The following HNRNPU variants were observed in gnomAD, a reference collection of about 807,000 sequenced individuals.
HNRNPU encodes heterogeneous nuclear ribonucleoprotein U, also known as HNRNPU antisense RNA 1.
A neutral mutation model predicts 94.7 loss-of-function variants in HNRNPU; 5 were observed. The ratio of observed to expected loss-of-function variants is 0.05; its 90% confidence interval spans 0.03 to 0.11. The LOEUF (loss-of-function observed/expected upper bound fraction) is 0.11, where lower values mean the gene tolerates loss of function less well. HNRNPU is among the 10% of genes least tolerant of loss of function. The pLI is 1.00. For synonymous variants in HNRNPU, 434 were observed against 381.6 expected (o/e 1.14, Z -1.60); for missense variants, 710 against 1,049.2 (o/e 0.68, Z 4.47).
chr1:244,858,762 C>T lies in HNRNPU; in HGVS notation c.1197G>A (p.Lys399=), dbSNP rs1680748043. 1 of 1,596,450 alleles carries T rather than the reference C, an allele frequency of 6.3e-7. No individual in the cohort carries two copies. Residue 399 remains lysine, a synonymous_variant, in exon 6 of 14, where the codon AAG becomes AAA. Coordinates refer to ENST00000640218, the MANE Select transcript of HNRNPU (RefSeq NM_031844.3). ...ATGTAATCACATCATTTTCATCAAA[C>T]TTTTCTCCATAATCTTCAGTCTCAC... is the stretch of plus-strand genomic sequence containing the variant. The part of the protein sequence containing the change: ...CNCETEDYGE[K]FDENDVITCF...
chr1:244,863,256 CCG>C (rs1179155023), intron 1 of HNRNPU: 1 of 200,660 alleles, frequency 5.0e-6, no homozygotes, highest in East Asian at 1.2e-4. Context: ...TGTGCCCGCA[CCG>C]CGCGCACGCA....
At position 244,855,608 on chromosome 1, in the gene HNRNPU, G is replaced by A. The variant is rs1680658254; in HGVS notation, c.2168C>T (p.Ala723Val). Residue 723 changes from alanine (A) to valine (V), a missense_variant and splice_region_variant, in exon 12 of 14, where the codon GCC (alanine) becomes GTC (valine). Ala to Val is a moderately conservative substitution (Grantham distance 64). Coordinates refer to ENST00000640218, the MANE Select transcript of HNRNPU (RefSeq NM_031844.3). Reference protein sequence around the residue: ...NMRGGNFRGGAPGNRGGYNRR... With the variant: ...NMRGGNFRGGVPGNRGGYNRR... ...ATTATATCCGCCACGATTCCCAGGG[G>A]CTAAAAGACAAGAGCTGTTTTAGTT... The A allele has an allele frequency of 2.5e-6, 4 of 1,613,762 alleles. No homozygotes were observed. In the East Asian group the frequency reaches 8.9e-5, roughly 36 times the overall value.
chr1:244,859,499 A>AG, intron 4 of HNRNPU, 125 bp from the exon 5 acceptor site: 2 of 534,222 alleles, frequency 3.7e-6, no homozygotes, highest in Non-Finnish European at 6.7e-6. Context: ...GGCACACTCT[A>AG]GCCCACCCCC....
Position 244,863,666 on chromosome 1 carries a change from C to T in HNRNPU, c.642G>A (p.Lys214=), listed in dbSNP as rs1160222577. The change falls in exon 1 of 14, where the codon AAG becomes AAA. Residue 214 remains lysine, a synonymous_variant. Transcript: ENST00000640218. ...CGCCGCCTCCGCCGCCTTCCGCCTT[C>T]TTCTTACCTCCCGCCTGCTGCTGGC... ...RQGQQQAGGK[K]KAEGGGGGGR... The T allele has an allele frequency of 1.3e-6, 2 of 1,562,678 alleles. No homozygotes were observed. Among genetic ancestry groups the T allele is most frequent in the East Asian group, 4.9e-5 (2 of 40,826 alleles).
At chr1:244,859,233 C>T (rs1298472382) in intron 5 of HNRNPU, 42 bp downstream of exon 5, 2 of 1,014,336 alleles carry the variant, frequency 2.0e-6, no homozygotes, top group Non-Finnish European at 3.1e-6. Flanking sequence ...TCAGACCCTC[C>T]TGAACATTCA....
At chr1:244,857,982 CCA>C (rs1310970340) in intron 7 of HNRNPU, 27 bp downstream of exon 7, 6 of 1,563,544 alleles carry the variant, frequency 3.8e-6, no homozygotes, top group Admixed American at 2.1e-5. Context: ...TATTCAAATG[CCA>C]CAGTTAAAAA....
Position 244,851,420 on chromosome 1 carries a change from A to C in HNRNPU, c.*3030T>G, listed in dbSNP as rs767765330. 1 of 152,226 alleles carries C rather than the reference A, an allele frequency of 6.6e-6. No individual in the cohort carries two copies. Among genetic ancestry groups the C allele is most frequent in the Non-Finnish European group, 1.5e-5 (1 of 68,044 alleles). The allele number at this position is 152,226 out of a possible 1,614,324, so 9.4% of individuals were successfully genotyped here. ...ATATTGTGAATAAATTTATCAAAAA[A>C]CATGTCATCCAATTCCCACAAATGA... is the stretch of plus-strand genomic sequence containing the variant. On this transcript the variant is annotated 3_prime_UTR_variant, in exon 14 of 14. Coordinates refer to ENST00000640218, the MANE Select transcript of HNRNPU (RefSeq NM_031844.3).
At chr1:244,858,647 G>T in intron 6 of HNRNPU, 82 bp downstream of exon 6, 1 of 743,076 alleles carries the variant, frequency 1.3e-6, no homozygotes, top group Non-Finnish European at 2.4e-6. Flanking sequence ...ATTGAAAACT[G>T]ACCTCAGTAA....
chr1:244,862,395 T>A (rs1200340018), intron 3 of HNRNPU, 66 bp downstream of exon 3: 43 of 799,358 alleles, frequency 5.4e-5, no homozygotes, highest in African/African-American at 1.9e-4. Flanking sequence ...TTAAGACTTC[T>A]AAAAAAAAAA....
chr1:244,863,240 G>T (rs1293871217), intron 1 of HNRNPU: 2 of 165,796 alleles, frequency 1.2e-5, no homozygotes, highest in Non-Finnish European at 2.5e-5. Context: ...CCCTCCCCCC[G>T]AGACATGTGC....
intron 3 of HNRNPU, 100 bp downstream of exon 3, chr1:244,862,361 C>A: frequency 3.8e-6 from 3 of 795,546 alleles, no homozygotes; most frequent in East Asian, 2.5e-5. Context: ...AAAAAACTAA[C>A]CCAAGTTTTG....
At chr1:244,859,244 T>C (rs1286598153) in intron 5 of HNRNPU, 31 bp downstream of exon 5, 19 of 1,100,540 alleles carry the variant, frequency 1.7e-5, no homozygotes, top group Non-Finnish European at 2.7e-5. Flanking sequence ...TGAACATTCA[T>C]GAGCCCACAT....
chr1:244,861,264 T>C (rs1357253648), intron 3 of HNRNPU: 2 of 152,230 alleles, frequency 1.3e-5, no homozygotes, highest in East Asian at 1.9e-4. Flanking sequence ...ATTAGAGTTA[T>C]TCTAATCAAC....
chr1:244,862,757 G>C, intron 1 of HNRNPU, 27 bp from the exon 2 acceptor site: 1 of 1,546,930 alleles, frequency 6.5e-7, no homozygotes. Flanking sequence ...CCCCATAAAG[G>C]CCAAGCCTCT....
At position 244,852,285 on chromosome 1, in the gene HNRNPU, T is replaced by C. The variant is rs572539190; in HGVS notation, c.*2165A>G. 21 of 152,368 alleles carry C rather than the reference T, an allele frequency of 1.4e-4. No individual in the cohort carries two copies. Among genetic ancestry groups the C allele is most frequent in the African/African-American group, 5.1e-4 (21 of 41,578 alleles). The allele number at this position is 152,368 out of a possible 1,614,324, so 9.4% of individuals were successfully genotyped here. ...TTGACTAAAGATTTTAACATTTTTC[T>C]GGGTGCCATTTTTATCTATTCTCTC... is the stretch of plus-strand genomic sequence containing the variant. On this transcript the variant is annotated 3_prime_UTR_variant, in exon 14 of 14. Transcript: ENST00000640218.
rs747553832 is a variant in HNRNPU, at chr1:244,858,212, G to A, written c.1293C>T (p.Ala431=). The change falls in exon 7 of 14, where the codon GCC becomes GCT. Residue 431 remains alanine, a synonymous_variant. Transcript: ENST00000640218. The stretch of plus-strand genomic sequence containing the variant: ...CAAGAACTTCCTTACTGATTTTGAA[G>A]GCAACGCCAAGATCTTGTCCATTCT... ...YAKNGQDLGV[A]FKISKEVLAG... 1.9e-6 allele frequency: 3 copies of A among 1,613,964 alleles called. No homozygotes were observed. The highest frequency in any genetic ancestry group is 2.2e-5 in the East Asian group (1 of 44,902).
chr1:244,862,627 C>T lies in HNRNPU; in HGVS notation c.795G>A (p.Lys265=), dbSNP rs1351144375. Residue 265 remains lysine (K), a synonymous_variant, in exon 2 of 14, where the codon AAG becomes AAA. Coordinates refer to ENST00000640218, the MANE Select transcript of HNRNPU (RefSeq NM_031844.3). ...RGYFEYIEEN[K]YSRAKSPQPP... is the part of the protein sequence containing the mutation. Reference sequence around the variant, plus strand: ...AGGTGAGCATCCTATACCTGCTATACTTGTTCTCTTCAATGTACTCAAAAT... The same window carrying T: ...AGGTGAGCATCCTATACCTGCTATATTTGTTCTCTTCAATGTACTCAAAAT... The T allele has an allele frequency of 1.9e-6, 3 of 1,612,914 alleles. No individual in the cohort carries two copies. Among genetic ancestry groups the T allele is most frequent in the East Asian group, 2.2e-5 (1 of 44,866 alleles).
chr1:244,854,163 A>G lies in HNRNPU; in HGVS notation c.*287T>C, dbSNP rs1261398005. 9.8e-6 allele frequency: 1 copy of G among 101,996 alleles called. No individual in the cohort carries two copies. Among genetic ancestry groups the G allele is most frequent in the South Asian group, 2.5e-4 (1 of 3,924 alleles). The allele number at this position is 101,996 out of a possible 1,614,324, so 6.3% of individuals were successfully genotyped here. On this transcript the variant is annotated 3_prime_UTR_variant, in exon 14 of 14. Coordinates refer to ENST00000640218, the MANE Select transcript of HNRNPU (RefSeq NM_031844.3). ...AGCAACATTTTACTTCTGTTGTGAT[A>G]AAAAAAAAAAAAAGTCACATTTTAC...
intron 8 of HNRNPU, chr1:244,857,158 C>G (rs766779340): frequency 5.1e-5 from 14 of 274,934 alleles, no homozygotes; most frequent in Non-Finnish European, 7.4e-5. Flanking sequence ...CTTGCCTTTC[C>G]TCCCATCTCT....
Sources: allele counts gnomAD v4.1 joint callset, GRCh38; gene constraint gnomAD v4.1.1; transcripts MANE v1.5; gene names NCBI Gene and HGNC (gene_info 2026-07-23, HGNC 2026-07-21).